ADAM23: variants seen among roughly 807,000 people sequenced by gnomAD.
ADAM23 encodes ADAM metallopeptidase domain 23.
Under a neutral mutation model 120.1 loss-of-function variants are expected in ADAM23, and 33 were observed. That is an observed-to-expected ratio of 0.27 (90% CI 0.21 to 0.37). The LOEUF (loss-of-function observed/expected upper bound fraction) is 0.37, where lower values mean the gene tolerates loss of function less well. Ranked by LOEUF, ADAM23 falls within the 10% of genes least tolerant of loss-of-function variation. The pLI is 1.00. For missense variants in ADAM23, 862 were observed against 1,058.2 expected, an observed-to-expected ratio of 0.81 and a Z score of 2.57; for synonymous variants, 367 against 375.2, an observed-to-expected ratio of 0.98 and a Z score of 0.25.
At chr2:206,540,216 T>TACACACACACACACACACACACACAC (rs71034461) in intron 4 of ADAM23, among the ~76,000 whole-genome samples, 1 of 131,870 alleles carries the variant, frequency 7.6e-6, no homozygotes, top group African/African-American at 3.0e-5. Context: ...CCCTTCACTG[T>TACACACACACACACACACACACACAC]ACACACACAC....
intron 14 of ADAM23, among the ~76,000 whole-genome samples, chr2:206,566,650 C>G (rs922346230): frequency 2.0e-5 from 3 of 152,138 alleles, no homozygotes; most frequent in Non-Finnish European, 4.4e-5. Flanking sequence ...TACCCCAATT[C>G]TATTGTCACT....
chr2:206,462,521 T>G lies in ADAM23; in HGVS notation c.432+16997T>G, dbSNP rs1355715051. On this transcript the variant is annotated intron_variant, in intron 2 of 25. Transcript: ENST00000264377. ...TTCGATTTTTCTTCCTTACTTATTT[T>G]GAATTTGCTGTGGTCATTTTACATT... 2.0e-5 allele frequency among the ~76,000 whole-genome samples: 3 copies of G among 152,202 alleles called. No homozygotes were observed. In the East Asian group the frequency reaches 5.8e-4, roughly 29 times the overall value.
chr2:206,464,653 C>A (rs1255899378), intron 2 of ADAM23, among the ~76,000 whole-genome samples: 1 of 152,176 alleles, frequency 6.6e-6, no homozygotes, highest in Admixed American at 6.5e-5. Context: ...GGAAGCTATA[C>A]ATACATCTTC....
chr2:206,459,671 G>A (rs1395017623), intron 2 of ADAM23, among the ~76,000 whole-genome samples: 1 of 152,048 alleles, frequency 6.6e-6, no homozygotes, highest in African/African-American at 2.4e-5. Context: ...TCTCCACTTG[G>A]ATGTCTTATA....
chr2:206,605,864 A>C (rs1433107282), intron 24 of ADAM23: 2 of 688,984 alleles, frequency 2.9e-6, no homozygotes, highest in South Asian at 3.1e-5. Flanking sequence ...TTTTGGAGGC[A>C]CAGGGTGGGG....
At chr2:206,533,734 C>G (rs960316004) in intron 4 of ADAM23, among the ~76,000 whole-genome samples, 1 of 152,180 alleles carries the variant, frequency 6.6e-6, no homozygotes, top group Non-Finnish European at 1.5e-5. Context: ...TTACTTCTCA[C>G]TAAGAAAAGA....
At chr2:206,478,507 T>TATGGTG (rs148460520) in intron 2 of ADAM23, among the ~76,000 whole-genome samples, 2 of 150,416 alleles carry the variant, frequency 1.3e-5, no homozygotes, top group African/African-American at 4.9e-5. Context: ...ATCATAATGA[T>TATGGTG]ATGATGATGA....
At chr2:206,564,214 A>C (rs1428744759) in intron 13 of ADAM23, among the ~76,000 whole-genome samples, 1 of 151,856 alleles carries the variant, frequency 6.6e-6, no homozygotes, top group South Asian at 2.1e-4. Context: ...TGCTCTCTCT[A>C]TCGATATATC....
At position 206,585,200 on chromosome 2, in the gene ADAM23, C is replaced by T. The variant is rs145416803; in HGVS notation, c.1738-2125C>T. 3.2e-4 allele frequency among the ~76,000 whole-genome samples: 49 copies of T among 152,246 alleles called. No homozygotes were observed. The East Asian group carries it at 8.7e-3, about 27-fold the overall frequency. ...GCAGGCCTCCGCATGCTGCCCTGTC[C>T]GGAGCTGCAATCTAGTCCTGCCTCC... On this transcript the variant is annotated intron_variant, in intron 18 of 25. Coordinates refer to ENST00000264377, the MANE Select transcript of ADAM23 (RefSeq NM_003812.4).
chr2:206,556,024 T>G (rs556443988), intron 9 of ADAM23, among the ~76,000 whole-genome samples: 1 of 152,272 alleles, frequency 6.6e-6, no homozygotes, highest in East Asian at 1.9e-4. Flanking sequence ...TAATTTCAGA[T>G]TAATAGGATG....
At chr2:206,557,100 A>G (rs181431631) in intron 9 of ADAM23, among the ~76,000 whole-genome samples, 159 of 151,348 alleles carry the variant, frequency 1.1e-3, no homozygotes, top group Middle Eastern at 3.4e-3. Context: ...TTTTTTTTTG[A>G]AAAAAATTTT....
chr2:206,570,567 A>G (rs1473296111), intron 15 of ADAM23, among the ~76,000 whole-genome samples, 173 bp from the exon 16 acceptor site: 1 of 152,218 alleles, frequency 6.6e-6, no homozygotes, highest in East Asian at 1.9e-4. Context: ...AGTACTATTA[A>G]TAAGTGAACA....
intron 24 of ADAM23, chr2:206,605,939 G>C: frequency 1.6e-6 from 1 of 607,082 alleles, no homozygotes; most frequent in Non-Finnish European, 2.9e-6. Context: ...GTGAGGCGAT[G>C]CCTGTACCTG....
chr2:206,592,981 A>G (rs758493917), intron 22 of ADAM23, among the ~76,000 whole-genome samples: 21 of 152,204 alleles, frequency 1.4e-4, no homozygotes, highest in Non-Finnish European at 2.2e-4. Context: ...CTTTGTCATC[A>G]TAATTTTAGG....
intron 3 of ADAM23, among the ~76,000 whole-genome samples, chr2:206,515,432 C>T (rs1429942336): frequency 6.6e-6 from 1 of 152,118 alleles, no homozygotes; most frequent in African/African-American, 2.4e-5. Flanking sequence ...AGATTTGCTC[C>T]ATGAGATTTG....
intron 3 of ADAM23, among the ~76,000 whole-genome samples, chr2:206,510,562 G>GT (rs1471968856): frequency 6.6e-6 from 1 of 152,154 alleles, no homozygotes; most frequent in Non-Finnish European, 1.5e-5. Flanking sequence ...TTTTAGCATG[G>GT]TTTCTCCATA....
chr2:206,529,357 A>G (rs1428847895), intron 3 of ADAM23, among the ~76,000 whole-genome samples: 1 of 152,090 alleles, frequency 6.6e-6, no homozygotes, highest in Non-Finnish European at 1.5e-5. Context: ...ATTTGACTTC[A>G]ATGACTTTCT....
intron 4 of ADAM23, among the ~76,000 whole-genome samples, chr2:206,535,728 T>A (rs539663757): frequency 2.6e-4 from 39 of 152,326 alleles, no homozygotes; most frequent in African/African-American, 9.1e-4. Flanking sequence ...ATGATACGAT[T>A]CTGTTTATTT....
intron 5 of ADAM23, among the ~76,000 whole-genome samples, 194 bp downstream of exon 5, chr2:206,542,328 A>T (rs1380933407): frequency 6.6e-6 from 1 of 152,212 alleles, no homozygotes; most frequent in Non-Finnish European, 1.5e-5. Flanking sequence ...TAACCAAATG[A>T]TTACATAGAT....
Sources: allele counts gnomAD v4.1 joint callset (sites outside exome capture counted in the v4.1 genomes callset), GRCh38; gene constraint gnomAD v4.1.1; transcripts MANE v1.5; gene names NCBI Gene and HGNC (gene_info 2026-07-23, HGNC 2026-07-21).